The following LRFN5 variants were observed in gnomAD, a reference collection of about 807,000 sequenced individuals.
LRFN5 encodes the protein leucine rich repeat and fibronectin type III domain containing 5, also known as leucine-rich repeat and fibronectin type-III domain-containing protein 5.
LRFN5 carries 24 observed loss-of-function variants against 45.6 expected under a neutral mutation model. The observed-to-expected ratio is 0.53, with a 90% CI of 0.38 to 0.74. The LOEUF is 0.74. Among genes scored for constraint, LRFN5 ranks in the 30% least tolerant of loss-of-function variants. The pLI, the probability that LRFN5 is intolerant of heterozygous loss-of-function variation, is 0.00. For synonymous variants in LRFN5, 340 were observed against 313.8 expected, an observed-to-expected ratio of 1.08 and a Z score of -0.88; for missense variants, 776 against 861.5, an observed-to-expected ratio of 0.90 and a Z score of 1.24.
At chr14:41,667,196 G>A (rs573163647) in intron 1 of LRFN5, among the ~76,000 whole-genome samples, 111 of 152,210 alleles carry the variant, frequency 7.3e-4, no homozygotes, top group Non-Finnish European at 1.4e-3. Flanking sequence ...AATGTTTATG[G>A]CTTCAATTTG....
At position 41,882,232 on chromosome 14, in the gene LRFN5, A is replaced by ATT. The variant is rs71440758; in HGVS notation, c.-20-4366_-20-4365dup. On this transcript the variant is annotated intron_variant, in intron 2 of 5. Transcript: ENST00000298119. ...ATTGATCTCAAATCTCACCCCTAGCATTTTTTTTTCTTTTGGCTGCACCTA... is the reference window on the plus strand; with the variant it reads ...ATTGATCTCAAATCTCACCCCTAGCATTTTTTTTTTTCTTTTGGCTGCACCTA... Among the ~76,000 whole-genome samples, 32 of 150,838 alleles carry ATT rather than the reference A, an allele frequency of 2.1e-4. No individual in the cohort carries two copies. In the East Asian group the frequency reaches 5.9e-3, roughly 28 times the overall value.
intron 2 of LRFN5, among the ~76,000 whole-genome samples, chr14:41,853,306 T>C (rs1424208433): frequency 6.6e-6 from 1 of 152,020 alleles, no homozygotes; most frequent in Non-Finnish European, 1.5e-5. Context: ...ATACAATAAG[T>C]GGAACATTGT....
chr14:41,843,943 G>A (rs1207579672), intron 2 of LRFN5, among the ~76,000 whole-genome samples: 1 of 152,166 alleles, frequency 6.6e-6, no homozygotes, highest in Non-Finnish European at 1.5e-5. Flanking sequence ...AATGGTCACT[G>A]TTATAGAAAT....
chr14:41,732,304 T>A (rs921741800), intron 1 of LRFN5, among the ~76,000 whole-genome samples: 1 of 152,170 alleles, frequency 6.6e-6, no homozygotes, highest in Non-Finnish European at 1.5e-5. Flanking sequence ...CCGTTATTGT[T>A]TCACCAACCC....
At chr14:41,825,630 G>T (rs984833983) in intron 2 of LRFN5, among the ~76,000 whole-genome samples, 5 of 152,174 alleles carry the variant, frequency 3.3e-5, no homozygotes, top group African/African-American at 1.2e-4. Context: ...AGTTGTTGGT[G>T]TATATTTCCA....
chr14:41,851,121 C>T (rs1394459392), intron 2 of LRFN5, among the ~76,000 whole-genome samples: 2 of 151,628 alleles, frequency 1.3e-5, no homozygotes, highest in East Asian at 1.9e-4. Context: ...TATTGTAGTA[C>T]ACCATATTTA....
At chr14:41,870,025 A>C (rs1164097861) in intron 2 of LRFN5, among the ~76,000 whole-genome samples, 1 of 152,192 alleles carries the variant, frequency 6.6e-6, no homozygotes, top group Non-Finnish European at 1.5e-5. Context: ...GGCTTAAAAC[A>C]GTACACATGT....
intron 1 of LRFN5, among the ~76,000 whole-genome samples, chr14:41,626,174 AAC>A (rs1252993764): frequency 2.6e-5 from 4 of 152,148 alleles, no homozygotes; most frequent in African/African-American, 9.7e-5. Flanking sequence ...AGTAATAAAA[AAC>A]AAATACATGT....
At chr14:41,787,612 AT>A (rs1886772792) in intron 2 of LRFN5, among the ~76,000 whole-genome samples, 1 of 151,454 alleles carries the variant, frequency 6.6e-6, no homozygotes, top group Admixed American at 6.6e-5. Context: ...TTCAAAGTAT[AT>A]TTTGCTGAAC....
chr14:41,843,024 G>A lies in LRFN5; in HGVS notation c.-20-43582G>A, dbSNP rs1413489792. Among the ~76,000 whole-genome samples, 4 of 147,734 alleles carry A rather than the reference G, an allele frequency of 2.7e-5. No individual in the cohort carries two copies. The East Asian group carries it at 5.9e-4, about 22-fold the overall frequency. On this transcript the variant is annotated intron_variant, in intron 2 of 5. Coordinates refer to ENST00000298119, the MANE Select transcript of LRFN5 (RefSeq NM_152447.5). ...TATCATTTCTTTTTGAGATATAGGTGTATGTAAATTTTCTCCCACTCTATA... is the reference window on the plus strand; with the variant it reads ...TATCATTTCTTTTTGAGATATAGGTATATGTAAATTTTCTCCCACTCTATA...
At chr14:41,885,551 T>G (rs989768257) in intron 2 of LRFN5, among the ~76,000 whole-genome samples, 1 of 152,130 alleles carries the variant, frequency 6.6e-6, no homozygotes, top group Non-Finnish European at 1.5e-5. Context: ...TATAATATCT[T>G]GTTGAACATA....
At chr14:41,763,981 T>A (rs192980212) in intron 1 of LRFN5, among the ~76,000 whole-genome samples, 131 of 152,248 alleles carry the variant, frequency 8.6e-4, no homozygotes, top group African/African-American at 3.0e-3. Context: ...ACTAAGAAAT[T>A]GACCATAATT....
chr14:41,682,313 G>A (rs1233241193), intron 1 of LRFN5, among the ~76,000 whole-genome samples: 1 of 151,724 alleles, frequency 6.6e-6, no homozygotes, highest in Non-Finnish European at 1.5e-5. Flanking sequence ...AGTATAATAA[G>A]ATACAAACAA....
chr14:41,845,807 G>T (rs1275295811), intron 2 of LRFN5, among the ~76,000 whole-genome samples: 4 of 152,162 alleles, frequency 2.6e-5, no homozygotes, highest in Non-Finnish European at 1.5e-5. Flanking sequence ...GTAAATGCAT[G>T]CATTCTTATA....
At chr14:41,738,687 A>G (rs985473857) in intron 1 of LRFN5, among the ~76,000 whole-genome samples, 1 of 152,196 alleles carries the variant, frequency 6.6e-6, no homozygotes, top group African/African-American at 2.4e-5. Flanking sequence ...CTTTCGTCTG[A>G]TAGCTTTCAG....
At chr14:41,643,651 CTG>C (rs1480486603) in intron 1 of LRFN5, among the ~76,000 whole-genome samples, 1 of 151,920 alleles carries the variant, frequency 6.6e-6, no homozygotes, top group African/African-American at 2.4e-5. Flanking sequence ...ACTATTTTTC[CTG>C]GGCACAATCT....
At chr14:41,698,416 G>A (rs1260682814) in intron 1 of LRFN5, among the ~76,000 whole-genome samples, 1 of 152,056 alleles carries the variant, frequency 6.6e-6, no homozygotes, top group Non-Finnish European at 1.5e-5. Flanking sequence ...CATTGAATTT[G>A]AGCAATGTAT....
At chr14:41,788,485 G>A (rs1444038094) in intron 2 of LRFN5, among the ~76,000 whole-genome samples, 4 of 151,992 alleles carry the variant, frequency 2.6e-5, no homozygotes, top group African/African-American at 9.7e-5. Flanking sequence ...GGAAGAAGTA[G>A]ATGCAGGAAA....
At chr14:41,650,470 A>T (rs1305356937) in intron 1 of LRFN5, among the ~76,000 whole-genome samples, 1 of 152,142 alleles carries the variant, frequency 6.6e-6, no homozygotes, top group South Asian at 2.1e-4. Flanking sequence ...GCAATTAAAG[A>T]TGTGCTTCAG....
Sources: gnomAD v4.1 joint callset for allele counts (sites outside exome capture counted in the v4.1 genomes callset) on GRCh38, gnomAD v4.1.1 for gene constraint, MANE v1.5 for transcripts, NCBI Gene and HGNC (gene_info 2026-07-23, HGNC 2026-07-21) for gene names.